NRXN1: variants seen among roughly 807,000 people sequenced by gnomAD.
The protein encoded by NRXN1 is neurexin 1.
Under a neutral mutation model 150.9 loss-of-function variants are expected in NRXN1, and 39 were observed. The observed-to-expected ratio is 0.26, with a 90% confidence interval of 0.20 to 0.34. The LOEUF is 0.34. Among genes scored for constraint, NRXN1 ranks in the 10% least tolerant of loss-of-function variants. The pLI is 1.00. For missense variants in NRXN1, 1,815 were observed against 1,949.9 expected (o/e 0.93, Z 1.30); for synonymous variants, 924 against 757.0 (o/e 1.22, Z -3.62).
intron 2 of NRXN1, among the ~76,000 whole-genome samples, chr2:51,022,002 C>T (rs1669685645): frequency 6.6e-6 from 1 of 152,034 alleles, no homozygotes; most frequent in Non-Finnish European, 1.5e-5. Flanking sequence ...AACATTAGAA[C>T]ACAGCTGCAT....
chr2:50,062,914 CAAG>C (rs889421827), intron 19 of NRXN1, among the ~76,000 whole-genome samples: 1 of 152,006 alleles, frequency 6.6e-6, no homozygotes, highest in Non-Finnish European at 1.5e-5. Context: ...ATAAAAATAA[CAAG>C]AACAAAAAGA....
intron 5 of NRXN1, among the ~76,000 whole-genome samples, chr2:50,722,482 A>G (rs114092655): frequency 0.013 from 1,950 of 152,328 alleles, 18 homozygotes; most frequent in Non-Finnish European, 0.02. Flanking sequence ...AGAATATTTA[A>G]TGATTTGGGG....
intron 8 of NRXN1, among the ~76,000 whole-genome samples, chr2:50,585,175 C>A (rs939116899): frequency 6.6e-6 from 1 of 152,056 alleles, no homozygotes; most frequent in African/African-American, 2.4e-5. Flanking sequence ...TTAGTAACCG[C>A]AAAACGTTAG....
chr2:50,656,299 G>C, intron 5 of NRXN1: 1 of 733,096 alleles, frequency 1.4e-6, no homozygotes, highest in Non-Finnish European at 2.5e-6. Flanking sequence ...GGCTTTTAAA[G>C]TTACGTATCA....
chr2:50,699,743 G>A (rs903005628), intron 5 of NRXN1, among the ~76,000 whole-genome samples: 3 of 151,908 alleles, frequency 2.0e-5, no homozygotes, highest in Non-Finnish European at 4.4e-5. Context: ...CTTGCCTTTG[G>A]CCCAAGCAGA....
chr2:50,506,697 G>A, intron 12 of NRXN1, 80 bp from the exon 13 acceptor site: 1 of 1,427,912 alleles, frequency 7.0e-7, no homozygotes, highest in Non-Finnish European at 9.7e-7. Flanking sequence ...GAGAGAAAGA[G>A]ACAAGGGGGG....
At chr2:50,768,906 A>G (rs1368571909) in intron 5 of NRXN1, among the ~76,000 whole-genome samples, 2 of 151,628 alleles carry the variant, frequency 1.3e-5, no homozygotes, top group African/African-American at 4.8e-5. Flanking sequence ...GAACAACAAC[A>G]ACAACAACAA....
intron 21 of NRXN1, among the ~76,000 whole-genome samples, chr2:49,983,044 T>A (rs1680241344): frequency 6.6e-6 from 1 of 152,170 alleles, no homozygotes; most frequent in South Asian, 2.1e-4. Context: ...CTCCTACACA[T>A]TGTTTTGTAC....
At chr2:50,463,384 A>G (rs998009369) in intron 17 of NRXN1, among the ~76,000 whole-genome samples, 17 of 151,866 alleles carry the variant, frequency 1.1e-4, no homozygotes, top group African/African-American at 3.1e-4. Flanking sequence ...ACTCCAACGT[A>G]TAAGCCAAGG....
intron 5 of NRXN1, among the ~76,000 whole-genome samples, chr2:50,659,169 A>G (rs80344876): frequency 6.6e-6 from 1 of 152,168 alleles, no homozygotes; most frequent in East Asian, 1.9e-4. Context: ...GAATGCATCA[A>G]TGACACATTG....
chr2:50,750,712 A>C (rs1011270608), intron 5 of NRXN1, among the ~76,000 whole-genome samples: 4 of 151,984 alleles, frequency 2.6e-5, no homozygotes, highest in African/African-American at 9.7e-5. Context: ...TATACAAATC[A>C]TTTTAACCAC....
At chr2:50,279,165 T>C (rs2071068261) in intron 17 of NRXN1, among the ~76,000 whole-genome samples, 1 of 152,198 alleles carries the variant, frequency 6.6e-6, no homozygotes, top group South Asian at 2.1e-4. Flanking sequence ...GTGTTACTAC[T>C]TGTACCTTTT....
intron 5 of NRXN1, among the ~76,000 whole-genome samples, chr2:50,636,583 T>G (rs975666861): frequency 1.3e-5 from 2 of 152,234 alleles, no homozygotes; most frequent in African/African-American, 4.8e-5. Context: ...AGAGTTAAAA[T>G]GTCTTTAAAG....
At chr2:50,900,712 T>C (rs562524826) in intron 5 of NRXN1, among the ~76,000 whole-genome samples, 1 of 152,222 alleles carries the variant, frequency 6.6e-6, no homozygotes, top group South Asian at 2.1e-4. Flanking sequence ...AAGGGAACAT[T>C]TGCACATTTC....
chr2:50,224,017 G>A (rs548158667), intron 18 of NRXN1, among the ~76,000 whole-genome samples: 2 of 152,012 alleles, frequency 1.3e-5, no homozygotes, highest in Non-Finnish European at 2.9e-5. Context: ...CCCATTAAGA[G>A]ACTTATAATA....
intron 5 of NRXN1, among the ~76,000 whole-genome samples, chr2:50,693,302 T>G (rs1001942671): frequency 6.6e-6 from 1 of 152,128 alleles, no homozygotes; most frequent in Non-Finnish European, 1.5e-5. Flanking sequence ...ACCGAATAAC[T>G]ATAGGAGGTA....
At chr2:50,819,583 T>C (rs1669423444) in intron 5 of NRXN1, among the ~76,000 whole-genome samples, 1 of 151,912 alleles carries the variant, frequency 6.6e-6, no homozygotes, top group Non-Finnish European at 1.5e-5. Context: ...TCACGCAAGG[T>C]GAAAAAAGTT....
At chr2:50,156,527 G>C (rs546260174) in intron 18 of NRXN1, among the ~76,000 whole-genome samples, 1 of 151,980 alleles carries the variant, frequency 6.6e-6, no homozygotes, top group South Asian at 2.1e-4. Flanking sequence ...GTGCATGAAT[G>C]TGGACACATT....
intron 8 of NRXN1, among the ~76,000 whole-genome samples, chr2:50,590,574 A>G (rs1674010052): frequency 6.6e-6 from 1 of 152,108 alleles, no homozygotes; most frequent in African/African-American, 2.4e-5. Flanking sequence ...ATATTCAGAT[A>G]TTGAAATCCT....
Sources: allele counts gnomAD v4.1 joint callset (sites outside exome capture counted in the v4.1 genomes callset), GRCh38; gene constraint gnomAD v4.1.1; transcripts MANE v1.5; gene names NCBI Gene and HGNC (gene_info 2026-07-23, HGNC 2026-07-21).